Variants in CACNA1C observed in about 807,000 individuals in gnomAD.
CACNA1C encodes calcium voltage-gated channel subunit alpha1 C.
A neutral mutation model predicts 229.0 loss-of-function variants in CACNA1C; 30 were observed. The ratio of observed to expected loss-of-function variants is 0.13; its 90% CI spans 0.10 to 0.18. The LOEUF (loss-of-function observed/expected upper bound fraction) is 0.18. CACNA1C is among the 10% of genes least tolerant of loss of function. The pLI is 1.00. For missense variants in CACNA1C, 1,658 were observed against 2,845.0 expected (o/e 0.58, Z 9.49); for synonymous variants, 1,114 against 1,132.5 (o/e 0.98, Z 0.33).
chr12:2,371,959 T>C (rs1402789532), intron 3 of CACNA1C, among the ~76,000 whole-genome samples: 1 of 152,184 alleles, frequency 6.6e-6, no homozygotes, highest in African/African-American at 2.4e-5. Context: ...GGGAAGTTCA[T>C]TGTCACTTAG....
chr12:2,530,971 G>T (rs1420407030), intron 9 of CACNA1C, among the ~76,000 whole-genome samples: 5 of 152,192 alleles, frequency 3.3e-5, no homozygotes, highest in African/African-American at 1.2e-4. Flanking sequence ...GGGTCCCGAG[G>T]ACATTCTTCT....
At chr12:2,578,904 C>T (rs542978170) in intron 13 of CACNA1C, among the ~76,000 whole-genome samples, 1 of 152,120 alleles carries the variant, frequency 6.6e-6, no homozygotes, top group Non-Finnish European at 1.5e-5. Flanking sequence ...TAGGAGATCC[C>T]TGCTAGTTTC....
chr12:2,071,406 T>A (rs2061302102), intron 1 of CACNA1C, among the ~76,000 whole-genome samples: 1 of 151,450 alleles, frequency 6.6e-6, no homozygotes, highest in South Asian at 2.1e-4. Context: ...TTAGTAGAGA[T>A]GAGATGAGGT....
At chr12:2,117,270 C>CAAAT (rs111273230) in intron 2 of CACNA1C, among the ~76,000 whole-genome samples, 81 of 152,210 alleles carry the variant, frequency 5.3e-4, no homozygotes, top group Admixed American at 7.8e-4. Context: ...AACTCTGTCT[C>CAAAT]AAATAAATAA....
At chr12:2,448,503 G>A (rs1202850854) in intron 3 of CACNA1C, among the ~76,000 whole-genome samples, 5 of 152,092 alleles carry the variant, frequency 3.3e-5, no homozygotes, top group Admixed American at 1.3e-4. Flanking sequence ...GGAGGAACTC[G>A]GCTAGTACCC....
chr12:2,555,465 C>T (rs1309836048), intron 10 of CACNA1C, among the ~76,000 whole-genome samples: 1 of 152,244 alleles, frequency 6.6e-6, no homozygotes, highest in Non-Finnish European at 1.5e-5. Flanking sequence ...CACCCAAAAG[C>T]AGCCTGGGAA....
intron 1 of CACNA1C, among the ~76,000 whole-genome samples, chr12:2,001,037 CA>C (rs55946150): frequency 0.57 from 70,776 of 124,214 alleles, 16,700 homozygotes; most frequent in Middle Eastern, 0.61. Flanking sequence ...GACTTCGTCT[CA>C]AAAAAAAAAA....
chr12:2,248,729 G>A (rs1050938593), intron 3 of CACNA1C, among the ~76,000 whole-genome samples: 5 of 152,258 alleles, frequency 3.3e-5, no homozygotes, highest in Non-Finnish European at 7.3e-5. Flanking sequence ...GACAGGAGCG[G>A]ATGTTGCCTC....
At chr12:2,117,876 T>A (rs1485388702) in intron 2 of CACNA1C, among the ~76,000 whole-genome samples, 2 of 152,148 alleles carry the variant, frequency 1.3e-5, no homozygotes, top group African/African-American at 4.8e-5. Context: ...ATTCCAAGAT[T>A]GCTTGGGAAG....
Position 2,597,225 on chromosome 12 carries a change from T to C in CACNA1C, c.2794-5T>C, listed in dbSNP as rs1568666242. On this transcript the variant is annotated splice_polypyrimidine_tract_variant and splice_region_variant and intron_variant, in intron 20 of 46. Transcript: ENST00000399655. This position sits in a 1 kb window ranked among gnomAD's most constrained non-coding sequence, Gnocchi z 4.3. ...ATCCCCACCCTGTTCCTTTTTGTTTTGCAGATTCTGTTTTATTTTGATATT... is the reference window on the plus strand; with the variant it reads ...ATCCCCACCCTGTTCCTTTTTGTTTCGCAGATTCTGTTTTATTTTGATATT... The C allele has an allele frequency of 1.9e-6, 3 of 1,604,888 alleles. No homozygotes were observed. The highest frequency in any genetic ancestry group is 2.6e-6 in the Non-Finnish European group (3 of 1,171,618).
intron 3 of CACNA1C, among the ~76,000 whole-genome samples, chr12:2,180,424 A>C (rs1371319999): frequency 6.6e-6 from 1 of 152,254 alleles, no homozygotes; most frequent in Non-Finnish European, 1.5e-5. Context: ...GGAGGAAGCG[A>C]AATGTCCCAG....
At chr12:2,171,387 C>G (rs183490735) in intron 3 of CACNA1C, among the ~76,000 whole-genome samples, 46 of 152,236 alleles carry the variant, frequency 3.0e-4, no homozygotes, top group Admixed American at 2.2e-3. Flanking sequence ...CCCACATGCT[C>G]TCTGTGGGCC....
intron 3 of CACNA1C, among the ~76,000 whole-genome samples, chr12:2,122,075 C>T (rs2087020875): frequency 6.6e-6 from 1 of 152,172 alleles, no homozygotes; most frequent in Non-Finnish European, 1.5e-5. Context: ...GCTGAGACCC[C>T]TCAACTCTGG....
intron 45 of CACNA1C, among the ~76,000 whole-genome samples, chr12:2,686,812 C>T (rs905326780): frequency 1.3e-5 from 2 of 152,198 alleles, no homozygotes; most frequent in African/African-American, 4.8e-5. Flanking sequence ...CCAGCTGAGA[C>T]AGTGAAATCC....
At chr12:2,037,590 T>G (rs2049365873) in intron 1 of CACNA1C, among the ~76,000 whole-genome samples, 1 of 152,170 alleles carries the variant, frequency 6.6e-6, no homozygotes, top group Non-Finnish European at 1.5e-5. Flanking sequence ...TGTTCCCCAC[T>G]TTGTGCAGGT....
chr12:2,652,792 T>A (rs73247418), intron 32 of CACNA1C, among the ~76,000 whole-genome samples: 7,188 of 152,336 alleles, frequency 0.047, 602 homozygotes, highest in African/African-American at 0.16. Flanking sequence ...GCCCAGGCTC[T>A]GGGGATTCGG....
In CACNA1C at chr12:2,612,057, G is replaced by T. The variant is rs1384475354; in HGVS notation, c.3828+44G>T. The T allele has an allele frequency of 2.6e-6, 3 of 1,163,664 alleles. No individual in the cohort carries two copies. The African/African-American group carries it at 4.5e-5, about 18-fold the overall frequency. 72.1% of individuals were successfully genotyped at this position (1,163,664 alleles called of 1,614,324 possible). A position where few individuals can be genotyped will look rare whatever the true frequency, so the allele number is the denominator to read the frequency against. On this transcript the variant is annotated intron_variant, in intron 29 of 46. Transcript: ENST00000399655. ...CCTTTGATTCCCAGGCATCAGGGGT[G>T]GACAGAACGGGGAGGTGGGGTGCAG...
chr12:2,487,302 A>C (rs947526795), intron 6 of CACNA1C, among the ~76,000 whole-genome samples: 1 of 151,620 alleles, frequency 6.6e-6, no homozygotes, highest in African/African-American at 2.4e-5. Context: ...CTCCATCGAC[A>C]CTGCACCTCA....
intron 5 of CACNA1C, among the ~76,000 whole-genome samples, chr12:2,470,316 A>G (rs753808832): frequency 6.6e-6 from 1 of 152,220 alleles, no homozygotes; most frequent in Non-Finnish European, 1.5e-5. Flanking sequence ...CCAAACATGA[A>G]ATCACAGACA....
Sources: allele counts gnomAD v4.1 joint callset (sites outside exome capture counted in the v4.1 genomes callset), GRCh38; gene constraint gnomAD v4.1.1; non-coding constraint Gnocchi (gnomAD v3.1); transcripts MANE v1.5; gene names NCBI Gene and HGNC (gene_info 2026-07-23, HGNC 2026-07-21).